NRG3: variants seen among roughly 807,000 people sequenced by gnomAD.
NRG3 encodes pro-neuregulin-3, membrane-bound isoform.
A neutral mutation model predicts 66.9 loss-of-function variants in NRG3; 31 were observed. The ratio of observed to expected loss-of-function variants is 0.46; its 90% CI spans 0.35 to 0.63. NRG3 has a LOEUF of 0.63. Among genes scored for constraint, NRG3 ranks in the 20% least tolerant of loss-of-function variants. The pLI is 0.00. For missense variants in NRG3, 910 were observed against 878.9 expected (o/e 1.04, Z -0.45); for synonymous variants, 393 against 359.4 (o/e 1.09, Z -1.06).
intron 1 of NRG3, among the ~76,000 whole-genome samples, chr10:82,151,935 CAT>C (rs1590318673): frequency 6.6e-6 from 1 of 152,000 alleles, no homozygotes; most frequent in East Asian, 1.9e-4. Flanking sequence ...TGTAATAGTA[CAT>C]GTTTTTTTAG....
intron 4 of NRG3, among the ~76,000 whole-genome samples, chr10:82,943,394 C>T (rs562951235): frequency 6.6e-6 from 1 of 152,230 alleles, no homozygotes; most frequent in South Asian, 2.1e-4. Context: ...CCAGGCCACC[C>T]TTGGTGGCAT....
intron 1 of NRG3, among the ~76,000 whole-genome samples, chr10:82,041,357 C>T (rs2063028096): frequency 6.6e-6 from 1 of 152,042 alleles, no homozygotes; most frequent in African/African-American, 2.4e-5. Flanking sequence ...CTAGAGCCCA[C>T]TGTGAGCTGA....
intron 3 of NRG3, among the ~76,000 whole-genome samples, chr10:82,861,096 T>G (rs1017273188): frequency 1.3e-5 from 2 of 152,242 alleles, no homozygotes; most frequent in African/African-American, 2.4e-5. Context: ...GCAGTAATGA[T>G]CACGGTGTTT....
At chr10:82,356,744 G>A (rs1197164592) in intron 1 of NRG3, among the ~76,000 whole-genome samples, 1 of 152,124 alleles carries the variant, frequency 6.6e-6, no homozygotes, top group Non-Finnish European at 1.5e-5. Flanking sequence ...CCTTGCTGTT[G>A]CAATCTTTAT....
intron 2 of NRG3, among the ~76,000 whole-genome samples, chr10:82,537,960 A>G (rs560660864): frequency 6.6e-6 from 1 of 152,294 alleles, no homozygotes; most frequent in African/African-American, 2.4e-5. Context: ...GGTTCTCTTG[A>G]TGTTGGCAGT....
chr10:82,474,766 A>T (rs1280214781), intron 2 of NRG3, among the ~76,000 whole-genome samples: 1 of 152,166 alleles, frequency 6.6e-6, no homozygotes, highest in Non-Finnish European at 1.5e-5. Flanking sequence ...AAATACAAGA[A>T]GCTCAGTGAA....
chr10:82,814,466 G>A lies in NRG3; in HGVS notation c.1028-50945G>A, dbSNP rs77939783. ...CAGAGGCCGCATGGGGCTTCTCCCC[G>A]AAGACTACCACTGATGAGGAAGCCT... On this transcript the variant is annotated intron_variant, in intron 3 of 8. Coordinates refer to ENST00000372141, the MANE Select transcript of NRG3 (RefSeq NM_001010848.4). Among the ~76,000 whole-genome samples, 31 of 152,206 alleles carry A rather than the reference G, an allele frequency of 2.0e-4. 1 individual carries two copies. The highest frequency in any genetic ancestry group is 1.8e-3 in the Admixed American group (27 of 15,290).
intron 4 of NRG3, among the ~76,000 whole-genome samples, chr10:82,939,829 C>A (rs1427220644): frequency 6.6e-6 from 1 of 151,556 alleles, no homozygotes; most frequent in African/African-American, 2.4e-5. Flanking sequence ...GAAAATGAAT[C>A]CCTAGGGTAA....
intron 1 of NRG3, among the ~76,000 whole-genome samples, chr10:82,137,689 A>C (rs1049401884): frequency 1.3e-5 from 2 of 152,200 alleles, no homozygotes; most frequent in Non-Finnish European, 2.9e-5. Context: ...GGGCCAAAAA[A>C]CATAACCCAG....
At chr10:82,131,057 T>C (rs1228509415) in intron 1 of NRG3, among the ~76,000 whole-genome samples, 2 of 152,214 alleles carry the variant, frequency 1.3e-5, no homozygotes, top group Non-Finnish European at 2.9e-5. Context: ...TGTGATCTTC[T>C]TTGTCTATTT....
At chr10:82,079,151 T>A (rs1320205655) in intron 1 of NRG3, among the ~76,000 whole-genome samples, 3 of 152,046 alleles carry the variant, frequency 2.0e-5, no homozygotes, top group Non-Finnish European at 4.4e-5. Flanking sequence ...TTCAAGTGAT[T>A]CTTCTGCCTC....
At chr10:82,549,928 C>T (rs1218054377) in intron 2 of NRG3, among the ~76,000 whole-genome samples, 1 of 152,014 alleles carries the variant, frequency 6.6e-6, no homozygotes, top group East Asian at 1.9e-4. Context: ...CTCAGTGGGA[C>T]ACACTGAGAG....
chr10:81,886,634 C>G (rs1842634015), intron 1 of NRG3, among the ~76,000 whole-genome samples: 1 of 151,972 alleles, frequency 6.6e-6, no homozygotes, highest in Non-Finnish European at 1.5e-5. Flanking sequence ...CAGAGAAAAG[C>G]CTTGAGCTCT....
Position 81,875,233 on chromosome 10 carries a change from A to G in NRG3, c.-108A>G. On this transcript the variant is annotated 5_prime_UTR_variant, in exon 1 of 9. Coordinates refer to ENST00000372141, the MANE Select transcript of NRG3 (RefSeq NM_001010848.4). This position sits in a 1 kb window ranked among gnomAD's most constrained non-coding sequence, Gnocchi z 5.3. Reference sequence around the variant, plus strand: ...CCGCCGCGGCCGCTGCCTGCGCCCGAGCCCGCCGCCGCCGCCGGAGCCCGC... The same window carrying G: ...CCGCCGCGGCCGCTGCCTGCGCCCGGGCCCGCCGCCGCCGCCGGAGCCCGC... The G allele has an allele frequency of 1.2e-5, 7 of 598,950 alleles. No individual in the cohort carries two copies. The highest frequency in any genetic ancestry group is 1.5e-5 in the Non-Finnish European group (7 of 482,530). The allele number at this position is 598,950 out of a possible 1,614,324, so 37.1% of individuals were successfully genotyped here.
chr10:82,518,300 T>C (rs1197652260), intron 2 of NRG3, among the ~76,000 whole-genome samples: 1 of 152,188 alleles, frequency 6.6e-6, no homozygotes, highest in Non-Finnish European at 1.5e-5. Flanking sequence ...AGAATAATTA[T>C]AGATGGCAAC....
intron 1 of NRG3, among the ~76,000 whole-genome samples, chr10:81,897,066 G>T (rs1187111993): frequency 6.6e-6 from 1 of 152,140 alleles, no homozygotes; most frequent in East Asian, 1.9e-4. Flanking sequence ...GTTGAAATGA[G>T]TTCAAATTAG....
At chr10:82,743,714 G>GA (rs890594045) in intron 3 of NRG3, among the ~76,000 whole-genome samples, 7 of 151,108 alleles carry the variant, frequency 4.6e-5, no homozygotes, top group East Asian at 1.9e-4. Context: ...CACAGTGAAG[G>GA]AAAAAAAAAT....
At chr10:82,084,821 GC>G (rs1465565323) in intron 1 of NRG3, among the ~76,000 whole-genome samples, 9 of 152,054 alleles carry the variant, frequency 5.9e-5, no homozygotes. Context: ...TCCACTGAGT[GC>G]CTCCACTCAC....
chr10:82,330,835 G>T (rs959702196), intron 1 of NRG3, among the ~76,000 whole-genome samples: 1 of 152,100 alleles, frequency 6.6e-6, no homozygotes, highest in Non-Finnish European at 1.5e-5. Context: ...CATTGCTGAT[G>T]ACATTAACCA....
Sources: allele counts gnomAD v4.1 joint callset (sites outside exome capture counted in the v4.1 genomes callset), GRCh38; gene constraint gnomAD v4.1.1; non-coding constraint Gnocchi (gnomAD v3.1); transcripts MANE v1.5; gene names NCBI Gene and HGNC (gene_info 2026-07-23, HGNC 2026-07-21).